The following FNDC4 variants were observed in gnomAD, a reference collection of about 807,000 sequenced individuals.
FNDC4 encodes fibronectin type III domain containing 4, also known as fibronectin type III domain-containing protein 4.
In FNDC4, 11 loss-of-function variants were observed where a neutral mutation model predicts 25.1. The observed-to-expected ratio is 0.44, with a 90% CI of 0.28 to 0.73. The LOEUF (loss-of-function observed/expected upper bound fraction) is 0.73, where lower values mean the gene tolerates loss of function less well. FNDC4 is among the 30% of genes least tolerant of loss of function. FNDC4 has a pLI of 0.16. For missense variants in FNDC4, 250 were observed against 304.3 expected (o/e 0.82, Z 1.33); for synonymous variants, 136 against 118.8 (o/e 1.14, Z -0.94).
Position 27,492,714 on chromosome 2 carries a change from T to C in FNDC4, c.621A>G (p.Gly207=), listed in dbSNP as rs570281098. ...CCTGAGGACTCTGTTCCGGCCCCTT[T>C]CCCTTCTCCTTGGGATTGTTGTTGG... ...NDSNNNPKEK[G]KGPEQSPQGR... The change falls in exon 6 of 7, where the codon GGA becomes GGG. Residue 207 remains glycine, a synonymous_variant. Transcript: ENST00000264703. The surrounding 1 kb of genome is among the most constrained non-coding windows in gnomAD (Gnocchi z 4.1). 38 of 1,614,090 alleles carry C rather than the reference T, an allele frequency of 2.4e-5. 1 individual carries two copies. The East Asian group carries it at 6.7e-4, about 28-fold the overall frequency.
Position 27,494,360 on chromosome 2 carries a change from A to C in FNDC4, c.240T>G (p.Ile80Met). The change falls in exon 3 of 7, where the codon ATT becomes ATG. Residue 80 changes from isoleucine (I) to methionine (M), a missense_variant. Transcript: ENST00000264703. The surrounding 1 kb of genome is among the most constrained non-coding windows in gnomAD (Gnocchi z 4.6). ...GAAGGGTGATTCATACTTGCTGGGAAATGGAGTAGCCAATGACGATGTTGC... is the reference window on the plus strand; with the variant it reads ...GAAGGGTGATTCATACTTGCTGGGACATGGAGTAGCCAATGACGATGTTGC... ...PEGNIVIGYS[I>M]SQQRQNGPGQ... is the part of the protein sequence containing the mutation. 1 of 1,612,962 alleles carries C rather than the reference A, an allele frequency of 6.2e-7. No homozygotes were observed. The highest frequency in any genetic ancestry group is 1.1e-5 in the South Asian group (1 of 91,058).
rs1669279739 is a variant in FNDC4 at position 27,492,476 on chromosome 2, T to C, written c.672A>G (p.Lys224=). The C allele has an allele frequency of 1.2e-6, 2 of 1,614,120 alleles. No homozygotes were observed. Among genetic ancestry groups the C allele is most frequent in the South Asian group, 1.1e-5 (1 of 91,084 alleles). ...PQGRPVGTRQ[K]KSPSINTIDV ...CGATGGTGTTGATAGATGGTGACTT[T>C]TTCTGTGAAAGAAAATGGCCTGAGT... Residue 224 remains lysine, a splice_region_variant and synonymous_variant, in exon 7 of 7, where the codon AAA becomes AAG. Transcript: ENST00000264703. The surrounding 1 kb of genome is among the most constrained non-coding windows in gnomAD (Gnocchi z 4.1).
Position 27,494,130 on chromosome 2 carries a change from T to C in FNDC4, c.254A>G (p.Gln85Arg). ...VIGYSISQQR[Q>R]NGPGQRVIRE... Reference sequence around the variant, plus strand: ...AATCACACGCTGCCCGGGGCCATTCTGCCGCTGCAGGGAGATGAGGGGAGA... The same window carrying C: ...AATCACACGCTGCCCGGGGCCATTCCGCCGCTGCAGGGAGATGAGGGGAGA... The change falls in exon 4 of 7, where the codon CAG becomes CGG. Residue 85 changes from glutamine to arginine, a missense_variant. By Grantham distance (43) the Gln-to-Arg change is conservative. Transcript: ENST00000264703. The surrounding 1 kb of genome is among the most constrained non-coding windows in gnomAD (Gnocchi z 4.6). 1 of 1,613,818 alleles carries C rather than the reference T, an allele frequency of 6.2e-7. No homozygotes were observed. The highest frequency in any genetic ancestry group is 8.5e-7 in the Non-Finnish European group (1 of 1,179,942).
chr2:27,494,352 T>A lies in FNDC4; in HGVS notation c.248A>T (p.Gln83Leu), dbSNP rs1669329608. 1 of 1,610,982 alleles carries A rather than the reference T, an allele frequency of 6.2e-7. No individual in the cohort carries two copies. The highest frequency in any genetic ancestry group is 1.3e-5 in the African/African-American group (1 of 74,874). ...GGGGAGCAGAAGGGTGATTCATACT[T>A]GCTGGGAAATGGAGTAGCCAATGAC... ...NIVIGYSISQQRQNGPGQRVI... is the reference protein window; with the variant it reads ...NIVIGYSISQLRQNGPGQRVI... Residue 83 changes from glutamine (Q) to leucine (L), a missense_variant and splice_region_variant, in exon 3 of 7, where the codon CAA becomes CTA. Coordinates refer to ENST00000264703, the MANE Select transcript of FNDC4 (RefSeq NM_022823.3). The surrounding 1 kb of genome is among the most constrained non-coding windows in gnomAD (Gnocchi z 4.6).
rs780783616 is a variant in FNDC4 at position 27,494,468 on chromosome 2, T to G, written c.134-2A>C. 2.5e-6 allele frequency: 4 copies of G among 1,613,976 alleles called. No individual in the cohort carries two copies. In the Admixed American group the frequency reaches 5.0e-5, roughly 20 times the overall value. ...CATTCACAGGAGAGGGAGGCCGGTC[T>G]GCGGGAGCCAGGGTGTTTAACAGGT... is the stretch of plus-strand genomic sequence containing the variant. On this transcript the variant is annotated splice_acceptor_variant, in intron 2 of 6. Transcript: ENST00000264703. LOFTEE classifies it high-confidence loss of function. This position sits in a 1 kb window ranked among gnomAD's most constrained non-coding sequence, Gnocchi z 4.6.
chr2:27,492,327 T>C lies in FNDC4; in HGVS notation c.*116A>G. The C allele has an allele frequency of 1.6e-6, 2 of 1,269,262 alleles. No individual in the cohort carries two copies. Among genetic ancestry groups the C allele is most frequent in the Non-Finnish European group, 2.3e-6 (2 of 867,928 alleles). The allele number at this position is 1,269,262 out of a possible 1,614,324, so 78.6% of individuals were successfully genotyped here. A position where few individuals can be genotyped will look rare whatever the true frequency, so the allele number is the denominator to read the frequency against. ...AGAGGATGGGTACCAGGCCTGAGAT[T>C]GTGGGAGTGGCATTACCCTCTGGGA... On this transcript the variant is annotated 3_prime_UTR_variant, in exon 7 of 7. Coordinates refer to ENST00000264703, the MANE Select transcript of FNDC4 (RefSeq NM_022823.3). This position sits in a 1 kb window ranked among gnomAD's most constrained non-coding sequence, Gnocchi z 4.1.
Position 27,493,950 on chromosome 2 carries a change from G to C in FNDC4, c.434C>G (p.Pro145Arg). 3 of 1,614,240 alleles carry C rather than the reference G, an allele frequency of 1.9e-6. No individual in the cohort carries two copies. The South Asian group carries it at 3.3e-5, about 18-fold the overall frequency. The change falls in exon 4 of 7, where the codon CCT becomes CGT. Residue 145 changes from proline to arginine, a missense_variant. By Grantham distance (103) the Pro-to-Arg change is moderately radical. Transcript: ENST00000264703. ...CTCACCTGGGCTTGAACTGTTTGAAGGTAGCCGGTCAGAACCCTTGAGAGT... is the reference window on the plus strand; with the variant it reads ...CTCACCTGGGCTTGAACTGTTTGAACGTAGCCGGTCAGAACCCTTGAGAGT... ...FRTLKGSDRL[P>R]SNSSSPGDIT...
In FNDC4 at chr2:27,492,305, G is replaced by C. The variant is rs1669275834; in HGVS notation, c.*138C>G. On this transcript the variant is annotated 3_prime_UTR_variant, in exon 7 of 7. Transcript: ENST00000264703. This position sits in a 1 kb window ranked among gnomAD's most constrained non-coding sequence, Gnocchi z 4.1. Reference sequence around the variant, plus strand: ...TCTGGCTCTGCTCACAGTGGAAAGAGGATGGGTACCAGGCCTGAGATTGTG... The same window carrying C: ...TCTGGCTCTGCTCACAGTGGAAAGACGATGGGTACCAGGCCTGAGATTGTG... 1 of 1,053,120 alleles carries C rather than the reference G, an allele frequency of 9.5e-7. No individual in the cohort carries two copies. Among genetic ancestry groups the C allele is most frequent in the African/African-American group, 1.6e-5 (1 of 63,902 alleles). 65.2% of individuals were successfully genotyped at this position (1,053,120 alleles called of 1,614,324 possible).
chr2:27,493,281 G>A (rs1435127014), intron 5 of FNDC4, 108 bp downstream of exon 5: 19 of 887,024 alleles, frequency 2.1e-5, no homozygotes, highest in Non-Finnish European at 1.9e-6. Context: ...CAAAGTGCTG[G>A]GATTACAGGC....
Position 27,492,201 on chromosome 2 carries a change from G to C in FNDC4, c.*242C>G, listed in dbSNP as rs1233926457. ...GGGTACAACTAGTGACTCTCCCCTG[G>C]ACCGGGGAATGGAAGGAGATATCCC... On this transcript the variant is annotated 3_prime_UTR_variant, in exon 7 of 7. Coordinates refer to ENST00000264703, the MANE Select transcript of FNDC4 (RefSeq NM_022823.3). The surrounding 1 kb of genome is among the most constrained non-coding windows in gnomAD (Gnocchi z 4.1). 1 of 589,656 alleles carries C rather than the reference G, an allele frequency of 1.7e-6. No individual in the cohort carries two copies. Among genetic ancestry groups the C allele is most frequent in the African/African-American group, 1.9e-5 (1 of 53,690 alleles). 36.5% of individuals were successfully genotyped at this position (589,656 alleles called of 1,614,324 possible). A position where few individuals can be genotyped will look rare whatever the true frequency, so the allele number is the denominator to read the frequency against.
At position 27,493,477 on chromosome 2, in the gene FNDC4, A is replaced by T; in HGVS notation, c.456T>A (p.Gly152=). Reference sequence around the variant, plus strand: ...CATCCAGACCTTCCACTGTGATGTCACCTGAGAAGGGAGAAGGCAGAAGGC... The same window carrying T: ...CATCCAGACCTTCCACTGTGATGTCTCCTGAGAAGGGAGAAGGCAGAAGGC... ...DRLPSNSSSP[G]DITVEGLDGE... is the part of the protein sequence containing the mutation. Residue 152 remains glycine (G), a splice_region_variant and synonymous_variant, in exon 5 of 7, where the codon GGT becomes GGA. Transcript: ENST00000264703. The T allele has an allele frequency of 2.5e-6, 4 of 1,612,716 alleles. No individual in the cohort carries two copies. The highest frequency in any genetic ancestry group is 3.4e-6 in the Non-Finnish European group (4 of 1,178,848).
rs374605271 is a variant in FNDC4 at position 27,493,399 on chromosome 2, G to C, written c.534C>G (p.Leu178=). 6.0e-5 allele frequency: 97 copies of C among 1,613,500 alleles called. No homozygotes were observed. Among genetic ancestry groups the C allele is most frequent in the Middle Eastern group, 3.3e-4 (2 of 6,078 alleles). ...GEVVIIVVVL[L]MWAAVIGLFC... is the part of the protein sequence containing the mutation. ...TAGCTGCTTACTCACCAGCCCACAT[G>C]AGCAACACCACCACAATGATGACCA... The change falls in exon 5 of 7, where the codon CTC becomes CTG. Residue 178 remains leucine (L), a synonymous_variant. Transcript: ENST00000264703.
rs1230760332 is a variant in FNDC4, at chr2:27,494,853, T to G, written c.-25+25A>C. On this transcript the variant is annotated intron_variant, in intron 1 of 6. Transcript: ENST00000264703. This position sits in a 1 kb window ranked among gnomAD's most constrained non-coding sequence, Gnocchi z 4.6. ...CCGCATTGCCCGGGCGGCCCCAGAG[T>G]GCGGTCCGCCCTGCCCACACCCACC... The G allele has an allele frequency of 2.4e-5, 14 of 573,840 alleles. No homozygotes were observed. The highest frequency in any genetic ancestry group is 6.1e-6 in the Non-Finnish European group (2 of 326,182). 35.5% of individuals were successfully genotyped at this position (573,840 alleles called of 1,614,324 possible). A position where few individuals can be genotyped will look rare whatever the true frequency, so the allele number is the denominator to read the frequency against.
chr2:27,494,742 CA>C lies in FNDC4; in HGVS notation c.-24-40del. On this transcript the variant is annotated intron_variant, in intron 1 of 6. Transcript: ENST00000264703. This position sits in a 1 kb window ranked among gnomAD's most constrained non-coding sequence, Gnocchi z 4.6. ...GAGTTGTGGGGGGTCAAGGACTGCCCAGAACGCACGGAGGTCGGGGGGCAGC... is the reference window on the plus strand; with the variant it reads ...GAGTTGTGGGGGGTCAAGGACTGCCCGAACGCACGGAGGTCGGGGGGCAGC... 1 of 1,278,570 alleles carries C rather than the reference CA, an allele frequency of 7.8e-7. No individual in the cohort carries two copies. Among genetic ancestry groups the C allele is most frequent in the Non-Finnish European group, 1.1e-6 (1 of 947,236 alleles). The allele number at this position is 1,278,570 out of a possible 1,614,324, so 79.2% of individuals were successfully genotyped here. A position where few individuals can be genotyped will look rare whatever the true frequency, so the allele number is the denominator to read the frequency against.
chr2:27,493,130 A>G (rs1164510255), intron 5 of FNDC4, among the ~76,000 whole-genome samples: 2 of 148,346 alleles, frequency 1.3e-5, no homozygotes, highest in African/African-American at 2.5e-5. Flanking sequence ...CTTCTGCCTC[A>G]GCCTCCTGAG....
chr2:27,493,568 G>T, intron 4 of FNDC4, 90 bp from the exon 5 acceptor site: 1 of 1,068,804 alleles, frequency 9.4e-7, no homozygotes, highest in Non-Finnish European at 1.5e-6. Flanking sequence ...ATTAGAAAGG[G>T]TGGACCCATC....
In FNDC4 at chr2:27,494,216, A is replaced by C; in HGVS notation, c.250-82T>G. On this transcript the variant is annotated intron_variant, in intron 3 of 6. Transcript: ENST00000264703. The surrounding 1 kb of genome is among the most constrained non-coding windows in gnomAD (Gnocchi z 4.6). Reference sequence around the variant, plus strand: ...CTCAACCAGAGACTCTTCAACATCCAAGCACTCCGGGGGAGTAGCGTGAAA... The same window carrying C: ...CTCAACCAGAGACTCTTCAACATCCCAGCACTCCGGGGGAGTAGCGTGAAA... 6.9e-7 allele frequency: 1 copy of C among 1,452,818 alleles called. No homozygotes were observed. Among genetic ancestry groups the C allele is most frequent in the South Asian group, 1.2e-5 (1 of 84,602 alleles). The allele number at this position is 1,452,818 out of a possible 1,614,324, so 90.0% of individuals were successfully genotyped here.
Position 27,492,595 on chromosome 2 carries a change from CCTT to C in FNDC4, c.669+68_669+70del. 23 of 1,608,780 alleles carry C rather than the reference CCTT, an allele frequency of 1.4e-5. No individual in the cohort carries two copies. The South Asian group carries it at 2.3e-4, about 16-fold the overall frequency. ...TCCATCTTTTTCTGCCCCTCTTTGACCTTCTTCCTTTCCCTGGCTGCCCCTCAG... is the reference window on the plus strand; with the variant it reads ...TCCATCTTTTTCTGCCCCTCTTTGACCTTCCTTTCCCTGGCTGCCCCTCAG... On this transcript the variant is annotated intron_variant, in intron 6 of 6. Coordinates refer to ENST00000264703, the MANE Select transcript of FNDC4 (RefSeq NM_022823.3). The surrounding 1 kb of genome is among the most constrained non-coding windows in gnomAD (Gnocchi z 4.1).
rs76143445 is a variant in FNDC4 at position 27,492,893 on chromosome 2, G to A, written c.545-103C>T. 3,463 of 1,388,128 alleles carry A rather than the reference G, an allele frequency of 2.5e-3. 64 individuals carry two copies. In the African/African-American group the frequency reaches 0.043, roughly 17 times the overall value. The allele number at this position is 1,388,128 out of a possible 1,614,324, so 86.0% of individuals were successfully genotyped here. ...CCATGAAGAACATCCTGAATTCCTG[G>A]TGCCCATGCAGTCCTCCTCTCTGGG... On this transcript the variant is annotated intron_variant, in intron 5 of 6. Coordinates refer to ENST00000264703, the MANE Select transcript of FNDC4 (RefSeq NM_022823.3). The surrounding 1 kb of genome is among the most constrained non-coding windows in gnomAD (Gnocchi z 4.1).
Sources: allele counts gnomAD v4.1 joint callset (sites outside exome capture counted in the v4.1 genomes callset), GRCh38; gene constraint gnomAD v4.1.1; non-coding constraint Gnocchi (gnomAD v3.1); transcripts MANE v1.5; gene names NCBI Gene and HGNC (gene_info 2026-07-23, HGNC 2026-07-21).